ANGPT1: variants seen among roughly 807,000 people sequenced by gnomAD.
ANGPT1 encodes angiopoietin-1.
ANGPT1 carries 17 observed loss-of-function variants against 62.2 expected under a neutral mutation model. The ratio of observed to expected loss-of-function variants is 0.27; its 90% confidence interval spans 0.19 to 0.41. The LOEUF (loss-of-function observed/expected upper bound fraction) is 0.41, where lower values mean the gene tolerates loss of function less well. Among genes scored for constraint, ANGPT1 ranks in the 10% least tolerant of loss-of-function variants. The probability of loss-of-function intolerance (pLI) is 1.00; values close to 1 mark genes in which losing one functional copy is unlikely to be tolerated. For missense variants in ANGPT1, 478 were observed against 594.9 expected, an observed-to-expected ratio of 0.80 and a Z score of 2.04; for synonymous variants, 199 against 198.9, an observed-to-expected ratio of 1.00 and a Z score of 0.00.
At chr8:107,373,944 C>A (rs1816470497) in intron 1 of ANGPT1, among the ~76,000 whole-genome samples, 1 of 152,198 alleles carries the variant, frequency 6.6e-6, no homozygotes, top group Non-Finnish European at 1.5e-5. Flanking sequence ...GCACTCAACT[C>A]GTGAAATGCT....
In ANGPT1 at chr8:107,291,895, G is replaced by A. The variant is rs931518950; in HGVS notation, c.1038+2041C>T. Among the ~76,000 whole-genome samples the A allele has an allele frequency of 7.1e-4, 43 of 60,972 alleles. 1 individual carries two copies. The highest frequency in any genetic ancestry group is 2.1e-3 in the African/African-American group (40 of 18,672). The allele number at this position is 60,972 out of a possible 152,430, so 40.0% of individuals were successfully genotyped here. A position where few individuals can be genotyped will look rare whatever the true frequency, so the allele number is the denominator to read the frequency against. ...ACTTTCTATTTCCACTGAAGATGGGGGGGGGGGGGGGCTTGCCACTTAATA... is the reference window on the plus strand; with the variant it reads ...ACTTTCTATTTCCACTGAAGATGGGAGGGGGGGGGGGCTTGCCACTTAATA... On this transcript the variant is annotated intron_variant, in intron 6 of 8. Coordinates refer to ENST00000517746, the MANE Select transcript of ANGPT1 (RefSeq NM_001146.5).
intron 1 of ANGPT1, among the ~76,000 whole-genome samples, chr8:107,468,608 T>A (rs191954583): frequency 6.6e-6 from 1 of 152,192 alleles, no homozygotes; most frequent in Non-Finnish European, 1.5e-5. Context: ...TACTTAAAAA[T>A]CTGAATGGGC....
At chr8:107,441,075 A>G (rs1811462543) in intron 1 of ANGPT1, among the ~76,000 whole-genome samples, 1 of 152,246 alleles carries the variant, frequency 6.6e-6, no homozygotes, top group South Asian at 2.1e-4. Context: ...TACACAGTTT[A>G]TTCAACTGAC....
intron 1 of ANGPT1, among the ~76,000 whole-genome samples, chr8:107,399,051 C>G (rs1396512435): frequency 2.0e-5 from 3 of 152,174 alleles, no homozygotes; most frequent in Admixed American, 2.0e-4. Context: ...CATTCGTATT[C>G]CAGAATATCC....
intron 1 of ANGPT1, among the ~76,000 whole-genome samples, chr8:107,477,819 A>G (rs1317276449): frequency 6.6e-6 from 1 of 152,152 alleles, no homozygotes; most frequent in African/African-American, 2.4e-5. Flanking sequence ...AAATTAGCCA[A>G]GGATTTTGGA....
intron 1 of ANGPT1, among the ~76,000 whole-genome samples, chr8:107,373,877 C>A (rs1416802541): frequency 1.3e-5 from 2 of 152,150 alleles, no homozygotes; most frequent in Non-Finnish European, 2.9e-5. Context: ...TCATTATTCT[C>A]TTAGAAGAAA....
intron 3 of ANGPT1, among the ~76,000 whole-genome samples, chr8:107,323,029 A>G (rs908441431): frequency 6.6e-6 from 1 of 152,158 alleles, no homozygotes; most frequent in African/African-American, 2.4e-5. Context: ...ATGGTAACAA[A>G]AGGAAGACTC....
At chr8:107,452,082 T>G (rs1811793181) in intron 1 of ANGPT1, among the ~76,000 whole-genome samples, 1 of 151,728 alleles carries the variant, frequency 6.6e-6, no homozygotes, top group Middle Eastern at 3.2e-3. Context: ...CCGTATAGAA[T>G]GAATAGAATA....
intron 4 of ANGPT1, among the ~76,000 whole-genome samples, chr8:107,310,633 G>A (rs1814827451): frequency 6.6e-6 from 1 of 152,192 alleles, no homozygotes. Flanking sequence ...GCCACAGGCA[G>A]TAGAATTGTC....
intron 1 of ANGPT1, among the ~76,000 whole-genome samples, chr8:107,372,581 C>G (rs1170105189): frequency 1.3e-5 from 2 of 151,882 alleles, no homozygotes; most frequent in Non-Finnish European, 2.9e-5. Flanking sequence ...AAAACAGAAA[C>G]AGAAACACAA....
chr8:107,281,015 C>A (rs188821302), intron 7 of ANGPT1, among the ~76,000 whole-genome samples: 1 of 152,136 alleles, frequency 6.6e-6, no homozygotes. Context: ...CTTATCATGA[C>A]ACTCTTACAT....
intron 4 of ANGPT1, among the ~76,000 whole-genome samples, chr8:107,305,349 T>C (rs540910213): frequency 6.5e-4 from 99 of 152,104 alleles, no homozygotes; most frequent in Non-Finnish European, 1.1e-3. Context: ...TTCTCTTGTA[T>C]ATACCACATC....
chr8:107,265,385 T>C (rs1215801791), intron 7 of ANGPT1, among the ~76,000 whole-genome samples: 2 of 152,232 alleles, frequency 1.3e-5, no homozygotes, highest in Non-Finnish European at 2.9e-5. Flanking sequence ...TGATGTCTGC[T>C]CATTTCCTAC....
chr8:107,411,036 A>G (rs374477261), intron 1 of ANGPT1, among the ~76,000 whole-genome samples: 62 of 152,308 alleles, frequency 4.1e-4, no homozygotes, highest in East Asian at 2.1e-3. Context: ...GAACAAAATC[A>G]TAGGATAAAA....
At chr8:107,391,267 G>A (rs1816830043) in intron 1 of ANGPT1, among the ~76,000 whole-genome samples, 1 of 152,142 alleles carries the variant, frequency 6.6e-6, no homozygotes, top group Admixed American at 6.6e-5. Flanking sequence ...AAATGTGACA[G>A]TCATTTTTTT....
intron 1 of ANGPT1, among the ~76,000 whole-genome samples, chr8:107,397,817 G>A (rs1177917351): frequency 6.6e-6 from 1 of 152,084 alleles, no homozygotes; most frequent in African/African-American, 2.4e-5. Context: ...TGGCCACATA[G>A]AAATCCAACT....
chr8:107,412,148 C>G (rs140893555), intron 1 of ANGPT1, among the ~76,000 whole-genome samples: 1 of 152,042 alleles, frequency 6.6e-6, no homozygotes, highest in African/African-American at 2.4e-5. Flanking sequence ...GATTGAGAAC[C>G]GCTACTGTAG....
intron 4 of ANGPT1, among the ~76,000 whole-genome samples, chr8:107,320,257 T>C (rs4341142): frequency 0.19 from 28,652 of 152,020 alleles, 3,012 homozygotes; most frequent in East Asian, 0.33. Flanking sequence ...TAAAGTCACA[T>C]CCTCTTCCTC....
intron 1 of ANGPT1, among the ~76,000 whole-genome samples, chr8:107,460,243 T>C (rs1047585193): frequency 3.3e-5 from 5 of 152,194 alleles, no homozygotes; most frequent in African/African-American, 4.8e-5. Context: ...TTGTAGCATG[T>C]ATATATTCCC....
Sources: gnomAD v4.1 joint callset for allele counts (sites outside exome capture counted in the v4.1 genomes callset) on GRCh38, gnomAD v4.1.1 for gene constraint, MANE v1.5 for transcripts, NCBI Gene and HGNC (gene_info 2026-07-23, HGNC 2026-07-21) for gene names.